GABRA3: variants seen among roughly 807,000 people sequenced by gnomAD.
The protein encoded by GABRA3 is gamma-aminobutyric acid receptor subunit alpha-3.
In GABRA3, 10 loss-of-function variants were observed where a neutral mutation model predicts 30.1. The observed-to-expected ratio is 0.33, with a 90% confidence interval of 0.20 to 0.56. The LOEUF (loss-of-function observed/expected upper bound fraction) is 0.56. Ranked by LOEUF, GABRA3 falls within the 20% of genes least tolerant of loss-of-function variation. The pLI, the probability that GABRA3 is intolerant of heterozygous loss-of-function variation, is 0.89. For synonymous variants in GABRA3, 151 were observed against 146.8 expected, an observed-to-expected ratio of 1.03 and a Z score of -0.21; for missense variants, 233 against 392.0, an observed-to-expected ratio of 0.59 and a Z score of 3.42.
chrX:152,385,024 A>C (rs1056469432), intron 1 of GABRA3, among the ~76,000 whole-genome samples: 1 of 111,956 alleles, frequency 8.9e-6, no homozygotes, highest in Non-Finnish European at 1.9e-5. Flanking sequence ...CATGATAATG[A>C]AAATTAGAAA....
At chrX:152,289,985 C>T (rs1194651497) in intron 3 of GABRA3, among the ~76,000 whole-genome samples, 1 of 111,848 alleles carries the variant, frequency 8.9e-6, no homozygotes, top group Non-Finnish European at 1.9e-5. Context: ...CATATGTGTG[C>T]ATGTTTCTTT....
intron 1 of GABRA3, among the ~76,000 whole-genome samples, chrX:152,429,540 T>C (rs780455086): frequency 8.0e-4 from 89 of 111,760 alleles, no homozygotes; most frequent in African/African-American, 2.8e-3. Context: ...AATCACGCCT[T>C]CCCACCTTAG....
chrX:152,414,952 T>A (rs184660513), intron 1 of GABRA3, among the ~76,000 whole-genome samples: 2 of 109,457 alleles, frequency 1.8e-5, no homozygotes, highest in African/African-American at 6.6e-5. Context: ...GTGCTAATTA[T>A]GACATTTTGG....
chrX:152,427,534 T>TC (rs754404949), intron 1 of GABRA3, among the ~76,000 whole-genome samples: 19 of 112,103 alleles, frequency 1.7e-4, no homozygotes, highest in Non-Finnish European at 3.4e-4. Flanking sequence ...CCTGTCATGT[T>TC]CCCCACTAAC....
intron 9 of GABRA3, among the ~76,000 whole-genome samples, chrX:152,177,698 G>C (rs1320096834): frequency 8.9e-6 from 1 of 111,951 alleles, no homozygotes; most frequent in Non-Finnish European, 1.9e-5. Flanking sequence ...GGACAATCCA[G>C]ACCTCATTTA....
intron 9 of GABRA3, among the ~76,000 whole-genome samples, chrX:152,172,327 G>C (rs147886788): frequency 5.8e-4 from 65 of 111,657 alleles, no homozygotes; most frequent in African/African-American, 2.0e-3. Flanking sequence ...TGGAGAAATT[G>C]AAACCCTTGT....
chrX:152,210,411 G>T (rs184921527), intron 6 of GABRA3, among the ~76,000 whole-genome samples: 1 of 111,705 alleles, frequency 9.0e-6, no homozygotes, highest in Non-Finnish European at 1.9e-5. Flanking sequence ...TAATTCTCTT[G>T]TAAGTAAAAC....
intron 5 of GABRA3, among the ~76,000 whole-genome samples, chrX:152,236,138 T>C: frequency 3.5e-5 from 2 of 56,353 alleles, no homozygotes; most frequent in African/African-American, 1.4e-4. Context: ...ATGCTATCCC[T>C]CCCCCCTCCC....
intron 7 of GABRA3, among the ~76,000 whole-genome samples, chrX:152,199,832 T>C (rs904219954): frequency 9.2e-5 from 10 of 109,143 alleles, no homozygotes; most frequent in African/African-American, 2.7e-4. Flanking sequence ...CTCCTTTCTG[T>C]CTCACATTTA....
chrX:152,230,740 G>C (rs1399235942), intron 5 of GABRA3, among the ~76,000 whole-genome samples: 1 of 111,031 alleles, frequency 9.0e-6, no homozygotes, highest in East Asian at 2.8e-4. Flanking sequence ...GTTTCTAGGA[G>C]AATTTAATAT....
chrX:152,280,411 T>C (rs1200777286), intron 4 of GABRA3, among the ~76,000 whole-genome samples: 2 of 111,401 alleles, frequency 1.8e-5, no homozygotes, highest in South Asian at 3.8e-4. Flanking sequence ...GAAGTAGACA[T>C]AGCTACTTTT....
intron 1 of GABRA3, among the ~76,000 whole-genome samples, chrX:152,444,844 G>A (rs1931037622): frequency 1.1e-5 from 1 of 90,611 alleles, no homozygotes; most frequent in South Asian, 5.7e-4. Context: ...GGCGGATCAC[G>A]AGGTCAGGAG....
At chrX:152,445,774 C>T (rs1569426600) in intron 1 of GABRA3, among the ~76,000 whole-genome samples, 1 of 111,479 alleles carries the variant, frequency 9.0e-6, no homozygotes, top group African/African-American at 3.3e-5. Context: ...CTCCCCCCAC[C>T]GTATTTTACA....
intron 1 of GABRA3, among the ~76,000 whole-genome samples, chrX:152,384,421 TAAAC>T (rs1318645200): frequency 8.9e-6 from 1 of 111,969 alleles, no homozygotes; most frequent in African/African-American, 3.2e-5. Context: ...CCAGAAGAGA[TAAAC>T]AAATGGCATT....
chrX:152,266,645 C>T (rs919769547), intron 4 of GABRA3, among the ~76,000 whole-genome samples: 1 of 111,774 alleles, frequency 8.9e-6, no homozygotes, highest in African/African-American at 3.2e-5. Context: ...TCACAGCCTT[C>T]AGGTTTTAAT....
chrX:152,335,649 G>A (rs1940222549), intron 3 of GABRA3, among the ~76,000 whole-genome samples: 1 of 111,844 alleles, frequency 8.9e-6, no homozygotes, highest in Non-Finnish European at 1.9e-5. Context: ...GTGTACAAGT[G>A]CAGTTGTGTT....
intron 1 of GABRA3, among the ~76,000 whole-genome samples, chrX:152,384,701 T>C (rs768119010): frequency 8.9e-6 from 1 of 112,149 alleles, no homozygotes; most frequent in East Asian, 2.8e-4. Flanking sequence ...TAAGAGAATA[T>C]TACTTAAACT....
intron 4 of GABRA3, among the ~76,000 whole-genome samples, chrX:152,271,194 C>G (rs1938930212): frequency 9.0e-6 from 1 of 110,870 alleles, no homozygotes; most frequent in Non-Finnish European, 1.9e-5. Flanking sequence ...AACTCCTGAC[C>G]TCAGGTGATC....
At chrX:152,225,766 C>T (rs1215957541) in intron 5 of GABRA3, among the ~76,000 whole-genome samples, 1 of 109,359 alleles carries the variant, frequency 9.1e-6, no homozygotes, top group Non-Finnish European at 1.9e-5. Flanking sequence ...CACAGCAAAA[C>T]CTAAGAGTAG....
Sources: gnomAD v4.1 joint callset for allele counts (sites outside exome capture counted in the v4.1 genomes callset) on GRCh38, gnomAD v4.1.1 for gene constraint, MANE v1.5 for transcripts, NCBI Gene and HGNC (gene_info 2026-07-23, HGNC 2026-07-21) for gene names.